NKAIN2: variants seen among roughly 807,000 people sequenced by gnomAD.
NKAIN2 encodes sodium/potassium transporting ATPase interacting 2, also known as sodium/potassium-transporting ATPase subunit beta-1-interacting protein 2.
NKAIN2 carries 14 observed loss-of-function variants against 32.6 expected under a neutral mutation model. The observed-to-expected ratio is 0.43, with a 90% CI of 0.28 to 0.67. NKAIN2 has a LOEUF of 0.67. NKAIN2 is among the 30% of genes least tolerant of loss of function. The probability of loss-of-function intolerance (pLI) is 0.17; values close to 1 mark genes in which losing one functional copy is unlikely to be tolerated. For missense variants in NKAIN2, 198 were observed against 258.3 expected, an observed-to-expected ratio of 0.77 and a Z score of 1.60; for synonymous variants, 80 against 87.2, an observed-to-expected ratio of 0.92 and a Z score of 0.46.
chr6:123,814,041 A>G (rs1257526700), intron 1 of NKAIN2, among the ~76,000 whole-genome samples: 3 of 152,078 alleles, frequency 2.0e-5, no homozygotes, highest in African/African-American at 7.2e-5. Flanking sequence ...ATGTGGTTCC[A>G]TTTTATTCAC....
intron 3 of NKAIN2, among the ~76,000 whole-genome samples, chr6:124,459,915 G>A (rs532181752): frequency 1.5e-4 from 23 of 151,614 alleles, no homozygotes; most frequent in African/African-American, 3.9e-4. Context: ...TTTATTTTAC[G>A]TAGATGTATA....
intron 4 of NKAIN2, among the ~76,000 whole-genome samples, chr6:124,721,220 C>T (rs1213843857): frequency 6.6e-6 from 1 of 151,852 alleles, no homozygotes; most frequent in African/African-American, 2.4e-5. Context: ...ATCGAGACCA[C>T]GGTGAAACCC....
rs143828569 is a variant in NKAIN2, at chr6:124,555,202, G to T, written c.274-102984G>T. On this transcript the variant is annotated intron_variant, in intron 3 of 6. Coordinates refer to ENST00000368417, the MANE Select transcript of NKAIN2 (RefSeq NM_001040214.3). Reference sequence around the variant, plus strand: ...GCTGGGCACAGTCTGTTGGTGCAAGGTTATGCCAGGTGGAGTGGCAATTGG... The same window carrying T: ...GCTGGGCACAGTCTGTTGGTGCAAGTTTATGCCAGGTGGAGTGGCAATTGG... Among the ~76,000 whole-genome samples the T allele has an allele frequency of 7.9e-5, 12 of 152,270 alleles. No homozygotes were observed. The East Asian group carries it at 1.9e-3, about 25-fold the overall frequency.
intron 1 of NKAIN2, among the ~76,000 whole-genome samples, chr6:124,281,876 C>T (rs1795312655): frequency 1.3e-5 from 2 of 152,256 alleles, no homozygotes; most frequent in African/African-American, 4.8e-5. Flanking sequence ...ATCATTAAAG[C>T]ATAGTGATGT....
At chr6:124,382,313 A>T (rs574716154) in intron 3 of NKAIN2, among the ~76,000 whole-genome samples, 246 of 152,216 alleles carry the variant, frequency 1.6e-3, no homozygotes, top group African/African-American at 5.7e-3. Flanking sequence ...AACAATCTAT[A>T]TTTTATTCAT....
At chr6:124,249,104 T>C (rs1793563416) in intron 1 of NKAIN2, among the ~76,000 whole-genome samples, 1 of 152,156 alleles carries the variant, frequency 6.6e-6, no homozygotes, top group Non-Finnish European at 1.5e-5. Context: ...TATTTAAATA[T>C]ATAAACAAAT....
At chr6:123,871,228 T>A (rs539372853) in intron 1 of NKAIN2, among the ~76,000 whole-genome samples, 1 of 152,348 alleles carries the variant, frequency 6.6e-6, no homozygotes, top group East Asian at 1.9e-4. Flanking sequence ...ACCATACATA[T>A]TTTTTGTTTC....
intron 1 of NKAIN2, among the ~76,000 whole-genome samples, chr6:123,830,963 A>C (rs1582610895): frequency 6.6e-6 from 1 of 152,246 alleles, no homozygotes; most frequent in African/African-American, 2.4e-5. Flanking sequence ...TTAGGAAATC[A>C]GACCAGCTCT....
chr6:123,911,822 C>T (rs868096856), intron 1 of NKAIN2, among the ~76,000 whole-genome samples: 3,612 of 68,708 alleles, frequency 0.053, 310 homozygotes, highest in African/African-American at 0.09. Flanking sequence ...TACACACACA[C>T]ACACACACAC....
intron 2 of NKAIN2, among the ~76,000 whole-genome samples, chr6:124,299,423 C>T (rs2114970965): frequency 6.6e-6 from 1 of 152,140 alleles, no homozygotes; most frequent in East Asian, 1.9e-4. Flanking sequence ...ATATATTTTT[C>T]CTACATTTTC....
chr6:124,675,479 C>T (rs1773312972), intron 4 of NKAIN2, among the ~76,000 whole-genome samples: 1 of 151,970 alleles, frequency 6.6e-6, no homozygotes, highest in African/African-American at 2.4e-5. Flanking sequence ...ATGAATAGTT[C>T]CTTAAATGTT....
intron 1 of NKAIN2, among the ~76,000 whole-genome samples, chr6:124,270,245 C>T (rs551219369): frequency 2.6e-5 from 4 of 152,188 alleles, no homozygotes; most frequent in South Asian, 2.1e-4. Context: ...GCAGCTAAAA[C>T]GGAGAGGGCA....
intron 1 of NKAIN2, among the ~76,000 whole-genome samples, chr6:124,132,062 C>A (rs1786507569): frequency 6.6e-6 from 1 of 152,156 alleles, no homozygotes; most frequent in South Asian, 2.1e-4. Context: ...CAAAACTCAG[C>A]ACTGTTAATG....
intron 2 of NKAIN2, among the ~76,000 whole-genome samples, chr6:124,333,312 C>T (rs1797738555): frequency 6.6e-6 from 1 of 152,076 alleles, no homozygotes; most frequent in Non-Finnish European, 1.5e-5. Context: ...CATTTACTAT[C>T]TCACAGTTCT....
intron 4 of NKAIN2, among the ~76,000 whole-genome samples, chr6:124,680,955 T>A (rs2114503725): frequency 6.6e-6 from 1 of 151,936 alleles, no homozygotes; most frequent in Non-Finnish European, 1.5e-5. Context: ...TAAAAAATAA[T>A]CCAAAATATG....
At chr6:124,663,330 C>T (rs1382176493) in intron 4 of NKAIN2, among the ~76,000 whole-genome samples, 1 of 151,944 alleles carries the variant, frequency 6.6e-6, no homozygotes, top group African/African-American at 2.4e-5. Flanking sequence ...ACTCAGGAGG[C>T]TAAGGCAGGA....
At chr6:124,411,606 C>T (rs976590633) in intron 3 of NKAIN2, among the ~76,000 whole-genome samples, 1 of 152,192 alleles carries the variant, frequency 6.6e-6, no homozygotes, top group Non-Finnish European at 1.5e-5. Flanking sequence ...TCTCTGGCTG[C>T]CCTTAACATT....
intron 3 of NKAIN2, among the ~76,000 whole-genome samples, chr6:124,536,229 TTAAC>T (rs1364246383): frequency 1.3e-5 from 2 of 152,234 alleles, no homozygotes; most frequent in Admixed American, 1.3e-4. Flanking sequence ...GCAAGGCTTC[TTAAC>T]TATTTTCTGC....
chr6:123,824,318 A>G (rs1357249511), intron 1 of NKAIN2, among the ~76,000 whole-genome samples: 2 of 152,124 alleles, frequency 1.3e-5, no homozygotes, highest in South Asian at 2.1e-4. Flanking sequence ...ACTATTATAC[A>G]TGAACATGAT....
Sources: gnomAD v4.1 joint callset for allele counts (sites outside exome capture counted in the v4.1 genomes callset) on GRCh38, gnomAD v4.1.1 for gene constraint, MANE v1.5 for transcripts, NCBI Gene and HGNC (gene_info 2026-07-23, HGNC 2026-07-21) for gene names.